The following PRORP variants were observed in gnomAD, a reference collection of about 807,000 sequenced individuals.
PRORP encodes the protein mitochondrial ribonuclease P catalytic subunit.
A neutral mutation model predicts 59.4 loss-of-function variants in PRORP; 51 were observed. That is an observed-to-expected ratio of 0.86 (90% confidence interval 0.69 to 1.08). The LOEUF is 1.08. Ranked by LOEUF, PRORP falls within the 50% of genes least tolerant of loss-of-function variation. The pLI, the probability that PRORP is intolerant of heterozygous loss-of-function variation, is 0.00. For synonymous variants in PRORP, 231 were observed against 245.6 expected, an observed-to-expected ratio of 0.94 and a Z score of 0.55; for missense variants, 646 against 690.3, an observed-to-expected ratio of 0.94 and a Z score of 0.72.
intron 5 of PRORP, among the ~76,000 whole-genome samples, chr14:35,230,862 G>A (rs1341289904): frequency 6.6e-6 from 1 of 151,948 alleles, no homozygotes; most frequent in Non-Finnish European, 1.5e-5. Flanking sequence ...AACATGGCAT[G>A]GTGGGAGTAG....
chr14:35,224,950 G>A (rs892394130), intron 5 of PRORP, among the ~76,000 whole-genome samples: 2 of 152,094 alleles, frequency 1.3e-5, no homozygotes, highest in African/African-American at 2.4e-5. Flanking sequence ...TCCAGGGTTA[G>A]ACGAATGATG....
At chr14:35,245,876 G>T (rs560791397) in intron 5 of PRORP, among the ~76,000 whole-genome samples, 2 of 152,252 alleles carry the variant, frequency 1.3e-5, no homozygotes, top group South Asian at 4.1e-4. Flanking sequence ...TTAGTGAAAA[G>T]TTCTCCAGGA....
At chr14:35,172,399 G>A (rs1392089896) in intron 4 of PRORP, among the ~76,000 whole-genome samples, 1 of 121,116 alleles carries the variant, frequency 8.3e-6, no homozygotes, top group African/African-American at 3.0e-5. Flanking sequence ...CTACACTTTG[G>A]ATTGGTTTCT....
At chr14:35,170,489 T>G (rs11847511) in intron 4 of PRORP, among the ~76,000 whole-genome samples, 28,000 of 152,120 alleles carry the variant, frequency 0.18, 2,814 homozygotes, top group Admixed American at 0.27. Flanking sequence ...CTTAACTTAA[T>G]TCAGTTTACT....
intron 4 of PRORP, among the ~76,000 whole-genome samples, chr14:35,176,745 C>A (rs1242948982): frequency 6.6e-6 from 1 of 152,134 alleles, no homozygotes; most frequent in African/African-American, 2.4e-5. Context: ...CTTTCTCCTG[C>A]CTGATTGTCC....
intron 5 of PRORP, among the ~76,000 whole-genome samples, chr14:35,234,133 A>C (rs2050147465): frequency 6.6e-6 from 1 of 152,186 alleles, no homozygotes; most frequent in Non-Finnish European, 1.5e-5. Flanking sequence ...GCTCGAAGAG[A>C]GTAATTCTTT....
At position 35,142,145 on chromosome 14, in the gene PRORP, C is replaced by T. The variant is rs1385223580; in HGVS notation, c.1167+14534C>T. Among the ~76,000 whole-genome samples, 2 of 143,928 alleles carry T rather than the reference C, an allele frequency of 1.4e-5. 1 individual carries two copies. The highest frequency in any genetic ancestry group is 4.8e-4 in the East Asian group (2 of 4,192). 94.4% of individuals were successfully genotyped at this position (143,928 alleles called of 152,430 possible). On this transcript the variant is annotated intron_variant, in intron 4 of 7. Coordinates refer to ENST00000534898, the MANE Select transcript of PRORP (RefSeq NM_014672.4). ...CCATCCGCCTCGGCCTCCTAAAGTG[C>T]TGGGATTACAGGCGTGAGCCACCGC...
At position 35,145,194 on chromosome 14, in the gene PRORP, A is replaced by G. The variant is rs912152988; in HGVS notation, c.1167+17583A>G. Among the ~76,000 whole-genome samples, 2 of 143,958 alleles carry G rather than the reference A, an allele frequency of 1.4e-5. 1 individual carries two copies. The highest frequency in any genetic ancestry group is 3.1e-5 in the Non-Finnish European group (2 of 65,046). 94.4% of individuals were successfully genotyped at this position (143,958 alleles called of 152,430 possible). A position where few individuals can be genotyped will look rare whatever the true frequency, so the allele number is the denominator to read the frequency against. On this transcript the variant is annotated intron_variant, in intron 4 of 7. Coordinates refer to ENST00000534898, the MANE Select transcript of PRORP (RefSeq NM_014672.4). ...CACTTTGTTGCCTGGGCTTGTCGTG[A>G]ACTCCTGGGCTCAAGTAATCCTCCA...
At chr14:35,134,666 A>C (rs959878928) in intron 4 of PRORP, among the ~76,000 whole-genome samples, 1 of 152,118 alleles carries the variant, frequency 6.6e-6, no homozygotes, top group Non-Finnish European at 1.5e-5. Flanking sequence ...TCCAAGATGC[A>C]AGACAAAGTC....
chr14:35,139,525 A>G lies in PRORP; in HGVS notation c.1167+11914A>G, dbSNP rs117480704. Among the ~76,000 whole-genome samples, 3 of 145,594 alleles carry G rather than the reference A, an allele frequency of 2.1e-5. 1 individual carries two copies. The East Asian group carries it at 7.0e-4, about 34-fold the overall frequency. ...TTTGGTCTGATTTGTTTTATTCAGCATAATCATTTTGAGATTTCATCCTTG... is the reference window on the plus strand; with the variant it reads ...TTTGGTCTGATTTGTTTTATTCAGCGTAATCATTTTGAGATTTCATCCTTG... On this transcript the variant is annotated intron_variant, in intron 4 of 7. Transcript: ENST00000534898.
At chr14:35,149,543 AT>A (rs1213248516) in intron 4 of PRORP, among the ~76,000 whole-genome samples, 1 of 151,832 alleles carries the variant, frequency 6.6e-6, no homozygotes, top group African/African-American at 2.4e-5. Context: ...GGGATTGCTT[AT>A]TTTCTTAAAC....
chr14:35,176,013 C>T (rs61989539), intron 4 of PRORP, among the ~76,000 whole-genome samples: 3,241 of 152,248 alleles, frequency 0.021, 52 homozygotes, highest in Non-Finnish European at 0.034. Context: ...TTCCCCATTG[C>T]TTGTTTTTGT....
Position 35,174,912 on chromosome 14 carries a change from G to A in PRORP, c.1168-5758G>A, listed in dbSNP as rs1282619797. Among the ~76,000 whole-genome samples the A allele has an allele frequency of 3.7e-5, 4 of 107,708 alleles. No individual in the cohort carries two copies. In the Admixed American group the frequency reaches 5.7e-4, roughly 15 times the overall value. 70.7% of individuals were successfully genotyped at this position (107,708 alleles called of 152,430 possible). On this transcript the variant is annotated intron_variant, in intron 4 of 7. Coordinates refer to ENST00000534898, the MANE Select transcript of PRORP (RefSeq NM_014672.4). ...CCCCCCTCCCCCCACCCCACGACAA[G>A]CCCTGATGTGTGATGTTCCCCTTCC...
chr14:35,182,367 G>A (rs914870870), intron 5 of PRORP, among the ~76,000 whole-genome samples: 2 of 149,756 alleles, frequency 1.3e-5, no homozygotes, highest in African/African-American at 4.9e-5. Flanking sequence ...TGAACCGACT[G>A]GGCACGGTGG....
At chr14:35,186,202 G>T (rs1392431795) in intron 5 of PRORP, among the ~76,000 whole-genome samples, 11 of 149,368 alleles carry the variant, frequency 7.4e-5, no homozygotes, top group African/African-American at 2.7e-4. Flanking sequence ...GCCCGGGCTG[G>T]TCTTGAACTC....
intron 5 of PRORP, among the ~76,000 whole-genome samples, chr14:35,258,855 G>A (rs1390768728): frequency 6.6e-6 from 1 of 152,186 alleles, no homozygotes. Context: ...TACCATAGCT[G>A]TATAAGAAGG....
At chr14:35,151,055 A>G (rs2047732795) in intron 4 of PRORP, among the ~76,000 whole-genome samples, 1 of 152,156 alleles carries the variant, frequency 6.6e-6, no homozygotes, top group Non-Finnish European at 1.5e-5. Flanking sequence ...AAACCAAGCC[A>G]TTTTTAAATT....
At chr14:35,168,702 T>C (rs2048243625) in intron 4 of PRORP, among the ~76,000 whole-genome samples, 1 of 152,182 alleles carries the variant, frequency 6.6e-6, no homozygotes, top group Admixed American at 6.5e-5. Flanking sequence ...GTTGGTATTT[T>C]TGGCAAGAAT....
intron 6 of PRORP, among the ~76,000 whole-genome samples, 179 bp downstream of exon 6, chr14:35,267,054 A>C (rs186991127): frequency 8.5e-5 from 13 of 152,290 alleles, no homozygotes; most frequent in African/African-American, 3.1e-4. Context: ...AAAGAAAAAC[A>C]CTACAGTTTC....
Sources: gnomAD v4.1 joint callset for allele counts (sites outside exome capture counted in the v4.1 genomes callset) on GRCh38, gnomAD v4.1.1 for gene constraint, MANE v1.5 for transcripts, NCBI Gene and HGNC (gene_info 2026-07-23, HGNC 2026-07-21) for gene names.